ENOX2: variants seen among roughly 807,000 people sequenced by gnomAD.
The protein encoded by ENOX2 is ecto-NOX disulfide-thiol exchanger 2, also known as APK1 antigen.
ENOX2 carries 36 observed loss-of-function variants against 45.0 expected under a neutral mutation model. The ratio of observed to expected loss-of-function variants is 0.80; its 90% CI spans 0.61 to 1.06. The LOEUF (loss-of-function observed/expected upper bound fraction) is 1.06. Ranked by LOEUF, ENOX2 falls within the 50% of genes least tolerant of loss-of-function variation. ENOX2 has a pLI of 0.00. For synonymous variants in ENOX2, 174 were observed against 152.3 expected (o/e 1.14, Z -1.05); for missense variants, 423 against 462.5 (o/e 0.91, Z 0.78).
intron 2 of ENOX2, among the ~76,000 whole-genome samples, chrX:130,872,644 T>C (rs1248986827): frequency 1.8e-5 from 2 of 111,940 alleles, no homozygotes; most frequent in Admixed American, 9.5e-5. Context: ...GATGTCAAAC[T>C]ATACTACAAG....
At chrX:130,789,484 C>G (rs1048529253) in intron 2 of ENOX2, among the ~76,000 whole-genome samples, 1 of 111,335 alleles carries the variant, frequency 9.0e-6, no homozygotes, top group African/African-American at 3.3e-5. Flanking sequence ...ATAACCCTAG[C>G]GAAAAGAAAC....
chrX:130,782,119 C>T (rs922416081), intron 3 of ENOX2, among the ~76,000 whole-genome samples: 13 of 111,416 alleles, frequency 1.2e-4, no homozygotes, highest in African/African-American at 2.3e-4. Context: ...TATACACATA[C>T]ACACATATGG....
At chrX:130,832,418 T>TAC (rs753016634) in intron 2 of ENOX2, among the ~76,000 whole-genome samples, 1,162 of 73,556 alleles carry the variant, frequency 0.016, 7 homozygotes, top group African/African-American at 0.043. Flanking sequence ...GATATTCCCT[T>TAC]ACACACACAC....
intron 12 of ENOX2, among the ~76,000 whole-genome samples, chrX:130,634,056 T>G (rs1417249385): frequency 8.9e-6 from 1 of 112,162 alleles, no homozygotes; most frequent in Non-Finnish European, 1.9e-5. Context: ...TTGCCAGTTC[T>G]TAATGACACT....
At chrX:130,709,895 C>T (rs944147958) in intron 3 of ENOX2, among the ~76,000 whole-genome samples, 15 of 109,549 alleles carry the variant, frequency 1.4e-4, no homozygotes, top group African/African-American at 5.0e-4. Context: ...AGGTATTTCT[C>T]CTAATGCTAT....
At position 130,675,209 on chromosome X, in the gene ENOX2, G is replaced by A. The variant is rs181237686; in HGVS notation, c.460+4333C>T. Among the ~76,000 whole-genome samples the A allele has an allele frequency of 3.6e-5, 4 of 111,734 alleles. No individual in the cohort carries two copies. In the East Asian group the frequency reaches 1.1e-3, roughly 32 times the overall value. ...GAATCACCACACTGACTTCCACATG[G>A]TTGAACTAGTTTACAGTCCCACCAA... On this transcript the variant is annotated intron_variant, in intron 6 of 14. Transcript: ENST00000394363.
At chrX:130,742,380 C>T (rs2039006226) in intron 3 of ENOX2, among the ~76,000 whole-genome samples, 2 of 103,162 alleles carry the variant, frequency 1.9e-5, no homozygotes, top group Non-Finnish European at 3.9e-5. Flanking sequence ...TAGCTGGATT[C>T]CTAACTGGTT....
chrX:130,774,790 A>G (rs1017731054), intron 3 of ENOX2, among the ~76,000 whole-genome samples: 1 of 112,444 alleles, frequency 8.9e-6, no homozygotes, highest in Non-Finnish European at 1.9e-5. Flanking sequence ...AATTTTGTAC[A>G]TGAAGAAGTA....
intron 3 of ENOX2, among the ~76,000 whole-genome samples, chrX:130,758,191 G>A (rs1403057690): frequency 8.9e-6 from 1 of 111,742 alleles, no homozygotes; most frequent in Admixed American, 9.5e-5. Flanking sequence ...TATTGACATT[G>A]GTGTGGTCAA....
intron 2 of ENOX2, among the ~76,000 whole-genome samples, chrX:130,784,686 C>T (rs1257502611): frequency 2.8e-5 from 3 of 105,682 alleles, no homozygotes; most frequent in African/African-American, 1.0e-4. Flanking sequence ...CTCCCGGGTT[C>T]AAGCGATCCT....
At chrX:130,797,938 G>A (rs1054259058) in intron 2 of ENOX2, among the ~76,000 whole-genome samples, 9 of 110,872 alleles carry the variant, frequency 8.1e-5, no homozygotes. Context: ...TTTGTCAGGA[G>A]TGGCCCTGGA....
chrX:130,677,847 G>A (rs2037193831), intron 6 of ENOX2, among the ~76,000 whole-genome samples: 3 of 111,107 alleles, frequency 2.7e-5, no homozygotes, highest in East Asian at 2.8e-4. Flanking sequence ...AGCACTTTGG[G>A]AAGCCGAGGT....
chrX:130,869,725 T>A (rs1286327805), intron 2 of ENOX2, among the ~76,000 whole-genome samples: 1 of 112,126 alleles, frequency 8.9e-6, no homozygotes, highest in Non-Finnish European at 1.9e-5. Context: ...CTTTTTGTTC[T>A]CTTTTCTAAC....
chrX:130,784,550 A>AC (rs2076940021), intron 2 of ENOX2, among the ~76,000 whole-genome samples: 1 of 108,431 alleles, frequency 9.2e-6, no homozygotes, highest in East Asian at 2.9e-4. Context: ...ATCCTATCAA[A>AC]GGGGGGGAAA....
At chrX:130,820,686 C>T (rs1056310097) in intron 2 of ENOX2, among the ~76,000 whole-genome samples, 1 of 112,423 alleles carries the variant, frequency 8.9e-6, no homozygotes, top group African/African-American at 3.2e-5. Flanking sequence ...GAGAACATTA[C>T]GTTAAGTGAA....
At position 130,770,830 on chromosome X, in the gene ENOX2, T is replaced by C. The variant is rs182733901; in HGVS notation, c.-39+12717A>G. ...TTGGTGAAGCCTTTGCAGAAGCCAT[T>C]GTGGTAGTATTCGTCATCAAAATGT... On this transcript the variant is annotated intron_variant, in intron 3 of 14. Transcript: ENST00000394363. Among the ~76,000 whole-genome samples the C allele has an allele frequency of 8.0e-5, 9 of 111,985 alleles. No individual in the cohort carries two copies. In the East Asian group the frequency reaches 2.5e-3, roughly 32 times the overall value.
At chrX:130,650,806 C>T (rs1206348108) in intron 10 of ENOX2, among the ~76,000 whole-genome samples, 1 of 111,564 alleles carries the variant, frequency 9.0e-6, no homozygotes, top group Non-Finnish European at 1.9e-5. Flanking sequence ...TTTAGCGGAG[C>T]CACTAACAGC....
At chrX:130,769,857 A>T (rs1387725569) in intron 3 of ENOX2, among the ~76,000 whole-genome samples, 1 of 112,563 alleles carries the variant, frequency 8.9e-6, no homozygotes, top group Non-Finnish European at 1.9e-5. Flanking sequence ...TAAAAATGCG[A>T]TTAGCAAACT....
At chrX:130,766,857 C>T (rs1183818029) in intron 3 of ENOX2, among the ~76,000 whole-genome samples, 1 of 111,723 alleles carries the variant, frequency 9.0e-6, no homozygotes, top group Non-Finnish European at 1.9e-5. Flanking sequence ...GCAAAATCAC[C>T]TTATGAGGTA....
Sources: gnomAD v4.1 joint callset for allele counts (sites outside exome capture counted in the v4.1 genomes callset) on GRCh38, gnomAD v4.1.1 for gene constraint, MANE v1.5 for transcripts, NCBI Gene and HGNC (gene_info 2026-07-23, HGNC 2026-07-21) for gene names.